Variants in LBP observed in about 807,000 individuals in gnomAD.
LBP encodes lipopolysaccharide binding protein, also known as lipopolysaccharide-binding protein.
A neutral mutation model predicts 56.6 loss-of-function variants in LBP; 53 were observed. That is an observed-to-expected ratio of 0.94 (90% CI 0.75 to 1.18). LBP has a LOEUF of 1.18. Among genes scored for constraint, LBP ranks in the 50% most tolerant of loss-of-function variants. LBP has a pLI of 0.00. For synonymous variants in LBP, 227 were observed against 247.5 expected (o/e 0.92, Z 0.78); for missense variants, 601 against 598.3 (o/e 1.00, Z -0.05).
chr20:38,351,557 G>A (rs140295062), intron 3 of LBP, among the ~76,000 whole-genome samples: 52 of 152,324 alleles, frequency 3.4e-4, no homozygotes, highest in African/African-American at 1.2e-3. Flanking sequence ...GCCATAACAA[G>A]CATAGACTGG....
At position 38,366,755 on chromosome 20, in the gene LBP, T is replaced by TC. The variant is rs752809706; in HGVS notation, c.922-13dup. 33 of 1,613,820 alleles carry TC rather than the reference T, an allele frequency of 2.0e-5. No homozygotes were observed. In the African/African-American group the frequency reaches 3.9e-4, roughly 19 times the overall value. ...GGGAGCACCCTAAAACTTCTTCATGTCTCTTTGCTGCAGATACCGCCTGAC... is the reference window on the plus strand; with the variant it reads ...GGGAGCACCCTAAAACTTCTTCATGTCCTCTTTGCTGCAGATACCGCCTGAC... On this transcript the variant is annotated splice_polypyrimidine_tract_variant and intron_variant, in intron 8 of 14. Coordinates refer to ENST00000217407, the MANE Select transcript of LBP (RefSeq NM_004139.5).
intron 1 of LBP, 64 bp downstream of exon 1, chr20:38,346,704 T>C (rs563952893): frequency 5.4e-5 from 87 of 1,601,648 alleles, no homozygotes; most frequent in Non-Finnish European, 6.9e-5. Flanking sequence ...CTGGGTACAG[T>C]GGGGACAGGG....
In LBP at chr20:38,364,614, C is replaced by T. The variant is rs184143876; in HGVS notation, c.783C>T (p.Thr261=). 2.5e-5 allele frequency: 41 copies of T among 1,614,132 alleles called. No homozygotes were observed. Among genetic ancestry groups the T allele is most frequent in the Middle Eastern group, 1.6e-4 (1 of 6,062 alleles). ...ATCGTAACCACCGTTCTCCAGTTAC[C>T]CTCCTTGCTGCAGTCATGAGCCTTC... ...IFHRNHRSPV[T]LLAAVMSLPE... The change falls in exon 8 of 15, where the codon ACC becomes ACT. Residue 261 remains threonine (T), a synonymous_variant. Coordinates refer to ENST00000217407, the MANE Select transcript of LBP (RefSeq NM_004139.5).
In LBP at chr20:38,371,294, T is replaced by A; in HGVS notation, c.1232T>A (p.Leu411Gln). ...ATTCATTACAGGGTAAAAGTGGAAC[T>A]GAAAGAATCCAAAGTTGGACTATTC... ...FLKPGKVKVE[L>Q]KESKVGLFNA... Residue 411 changes from leucine (L) to glutamine (Q), a missense_variant, in exon 12 of 15, where the codon CTG becomes CAG. Transcript: ENST00000217407. The A allele has an allele frequency of 4.3e-6, 7 of 1,610,954 alleles. No individual in the cohort carries two copies. Among genetic ancestry groups the A allele is most frequent in the Non-Finnish European group, 5.1e-6 (6 of 1,177,408 alleles).
In LBP at chr20:38,371,559, G is replaced by A. The variant is rs138773182; in HGVS notation, c.1260+237G>A. 1.2e-4 allele frequency among the ~76,000 whole-genome samples: 18 copies of A among 152,290 alleles called. No individual in the cohort carries two copies. In the East Asian group the frequency reaches 3.5e-3, roughly 29 times the overall value. Reference sequence around the variant, plus strand: ...GAACAGAATTCTCTTAACTGCAAGAGACAGAAAGCCAATTGAAATCATCTT... The same window carrying A: ...GAACAGAATTCTCTTAACTGCAAGAAACAGAAAGCCAATTGAAATCATCTT... On this transcript the variant is annotated intron_variant, in intron 12 of 14. Transcript: ENST00000217407.
At chr20:38,359,314 C>T (rs2076851641) in intron 5 of LBP, among the ~76,000 whole-genome samples, 1 of 152,106 alleles carries the variant, frequency 6.6e-6, no homozygotes, top group Non-Finnish European at 1.5e-5. Context: ...GGCATGGTGG[C>T]TCATGCCTGT....
At chr20:38,371,253 C>T (rs2232616) in intron 11 of LBP, 27 bp from the exon 12 acceptor site, 173,867 of 1,598,536 alleles carry the variant, frequency 0.11, 12,242 homozygotes, top group African/African-American at 0.33. Flanking sequence ...AAGCCCACAC[C>T]TTTTAATCTT....
rs751940878 is a variant in LBP, at chr20:38,364,106, C to T, written c.744+40C>T. 2.9e-6 allele frequency: 4 copies of T among 1,399,834 alleles called. No individual in the cohort carries two copies. The South Asian group carries it at 4.6e-5, about 16-fold the overall frequency. The allele number at this position is 1,399,834 out of a possible 1,614,324, so 86.7% of individuals were successfully genotyped here. On this transcript the variant is annotated intron_variant, in intron 7 of 14. Coordinates refer to ENST00000217407, the MANE Select transcript of LBP (RefSeq NM_004139.5). The stretch of plus-strand genomic sequence containing the variant: ...GCCGGGCTGCGTGGGTGAGGCTTTC[C>T]CTCAGGGTCAGCCATTCTTTGGGCC...
intron 2 of LBP, 22 bp downstream of exon 2, chr20:38,349,684 C>A: frequency 1.3e-6 from 2 of 1,526,246 alleles, no homozygotes; most frequent in Non-Finnish European, 1.8e-6. Flanking sequence ...CCTTCTGCTG[C>A]GGCTCTGAAG....
At position 38,346,567 on chromosome 20, in the gene LBP, T is replaced by C. The variant is rs2122589275; in HGVS notation, c.51T>C (p.Leu17=). ...CGTCCATACTGCTGGCATTGCTGCTTACGTCCACCCCAGAGGCTCTGGGTG... is the reference window on the plus strand; with the variant it reads ...CGTCCATACTGCTGGCATTGCTGCTCACGTCCACCCCAGAGGCTCTGGGTG... ...ALPSILLALL[L]TSTPEALGAN... The change falls in exon 1 of 15, where the codon CTT becomes CTC. Residue 17 remains leucine, a synonymous_variant. Coordinates refer to ENST00000217407, the MANE Select transcript of LBP (RefSeq NM_004139.5). 6.2e-7 allele frequency: 1 copy of C among 1,613,834 alleles called. No individual in the cohort carries two copies.
intron 9 of LBP, 120 bp downstream of exon 9, chr20:38,366,948 C>T (rs1205508754): frequency 2.2e-6 from 2 of 892,344 alleles, no homozygotes; most frequent in African/African-American, 3.3e-5. Context: ...GATGAGACTC[C>T]CACTGAAGGC....
chr20:38,363,825 T>C (rs1226535149), intron 6 of LBP, 150 bp from the exon 7 acceptor site: 4 of 625,226 alleles, frequency 6.4e-6, no homozygotes, highest in East Asian at 5.6e-5. Context: ...AGTGTCTTTC[T>C]TGAAGAAGCA....
chr20:38,372,193 G>T (rs927687771), intron 12 of LBP, among the ~76,000 whole-genome samples: 1 of 152,172 alleles, frequency 6.6e-6, no homozygotes, highest in Non-Finnish European at 1.5e-5. Flanking sequence ...GGAAGGAGGA[G>T]CTGGGTAGAC....
At position 38,346,610 on chromosome 20, in the gene LBP, G is replaced by T. The variant is rs140031031; in HGVS notation, c.94G>T (p.Ala32Ser). 1 of 1,613,486 alleles carries T rather than the reference G, an allele frequency of 6.2e-7. No individual in the cohort carries two copies. The highest frequency in any genetic ancestry group is 1.7e-5 in the Admixed American group (1 of 60,004). Reference protein sequence around the residue: ...EALGANPGLVARITDKGLQYA... With the variant: ...EALGANPGLVSRITDKGLQYA... ...TCTGGGTGCCAACCCCGGCTTGGTCGCCAGGATCACCGACAAGGGACTGCA... is the reference window on the plus strand; with the variant it reads ...TCTGGGTGCCAACCCCGGCTTGGTCTCCAGGATCACCGACAAGGGACTGCA... The change falls in exon 1 of 15, where the codon GCC becomes TCC. Residue 32 changes from alanine (A) to serine (S), a missense_variant. By Grantham distance (99) the Ala-to-Ser change is moderately conservative (BLOSUM62 1). Transcript: ENST00000217407.
intron 3 of LBP, among the ~76,000 whole-genome samples, chr20:38,353,618 A>G (rs11906594): frequency 0.14 from 21,072 of 149,440 alleles, 1,600 homozygotes; most frequent in South Asian, 0.21. Flanking sequence ...AAGAGTATGT[A>G]TGTTAGAACG....
intron 6 of LBP, among the ~76,000 whole-genome samples, chr20:38,362,209 C>A (rs2076863008): frequency 6.6e-6 from 1 of 150,966 alleles, no homozygotes; most frequent in Admixed American, 6.6e-5. Flanking sequence ...CAGGCGCCCG[C>A]CACCACGTCT....
chr20:38,362,059 T>C (rs1170815302), intron 6 of LBP, among the ~76,000 whole-genome samples: 2 of 146,250 alleles, frequency 1.4e-5, no homozygotes, highest in South Asian at 2.2e-4. Context: ...TTTTCTTTTT[T>C]TTTTTTTTTT....
At position 38,373,125 on chromosome 20, in the gene LBP, C is replaced by T; in HGVS notation, c.1314C>T (p.Pro438=). 1 of 1,613,274 alleles carries T rather than the reference C, an allele frequency of 6.2e-7. No homozygotes were observed. Among genetic ancestry groups the T allele is most frequent in the Admixed American group, 1.7e-5 (1 of 60,016 alleles). ...LNYYILNTFY[P]KFNDKLAEGF... Reference sequence around the variant, plus strand: ...ATTACATCCTTAACACCTTCTACCCCAAGTTCAATGGTAAGAATCACTGTG... The same window carrying T: ...ATTACATCCTTAACACCTTCTACCCTAAGTTCAATGGTAAGAATCACTGTG... Residue 438 remains proline (P), a synonymous_variant, in exon 13 of 15, where the codon CCC becomes CCT. Coordinates refer to ENST00000217407, the MANE Select transcript of LBP (RefSeq NM_004139.5).
chr20:38,369,924 C>A (rs1209348692), intron 10 of LBP, among the ~76,000 whole-genome samples: 2 of 152,142 alleles, frequency 1.3e-5, no homozygotes, highest in African/African-American at 4.8e-5. Flanking sequence ...GGGGGCCTTG[C>A]TCCCTGGATG....
Sources: allele counts gnomAD v4.1 joint callset (sites outside exome capture counted in the v4.1 genomes callset), GRCh38; gene constraint gnomAD v4.1.1; transcripts MANE v1.5; gene names NCBI Gene and HGNC (gene_info 2026-07-23, HGNC 2026-07-21).